Variants in EAF1 observed in about 807,000 individuals in gnomAD.
EAF1 encodes ELL associated factor 1.
A neutral mutation model predicts 26.6 loss-of-function variants in EAF1; 19 were observed. The observed-to-expected ratio is 0.71, with a 90% CI of 0.50 to 1.05. The LOEUF (loss-of-function observed/expected upper bound fraction) is 1.05. Ranked by LOEUF, EAF1 falls within the 50% of genes least tolerant of loss-of-function variation. EAF1 has a pLI of 0.00. For synonymous variants in EAF1, 102 were observed against 120.6 expected (o/e 0.85, Z 1.01); for missense variants, 260 against 335.5 (o/e 0.78, Z 1.76).
intron 5 of EAF1, chr3:15,438,904 T>G: frequency 1.8e-6 from 1 of 546,136 alleles, no homozygotes; most frequent in Non-Finnish European, 3.2e-6. Context: ...TACCCTAATA[T>G]GCAGTATTGT....
At chr3:15,432,978 A>G (rs2061811068) in intron 3 of EAF1, 1 of 151,976 alleles carries the variant, frequency 6.6e-6, no homozygotes, top group Non-Finnish European at 1.5e-5. Flanking sequence ...CATTCCACAG[A>G]AAATAAAAAT....
At chr3:15,428,202 A>G (rs1331591830) in intron 1 of EAF1, among the ~76,000 whole-genome samples, 3 of 91,320 alleles carry the variant, frequency 3.3e-5, no homozygotes, top group Admixed American at 1.3e-4. Context: ...CCCTCCCCCA[A>G]GGCAAACCTC....
chr3:15,435,033 G>A lies in EAF1; in HGVS notation c.526+495G>A, dbSNP rs1296332806. 1.1e-4 allele frequency among the ~76,000 whole-genome samples: 17 copies of A among 152,136 alleles called. 1 individual carries two copies. Among genetic ancestry groups the A allele is most frequent in the Admixed American group, 9.2e-4 (14 of 15,268 alleles). On this transcript the variant is annotated intron_variant, in intron 4 of 5. Transcript: ENST00000396842. ...TTTGAGGCTACAGTGTGCTATGATC[G>A]TGCCTGTTGGTAGCTACTGAACTCC...
At position 15,436,547 on chromosome 3, in the gene EAF1, A is replaced by T. The variant is rs1299515719; in HGVS notation, c.732A>T (p.Gln244His). The change falls in exon 5 of 6, where the codon CAA becomes CAT. Residue 244 changes from glutamine (Q) to histidine (H), a missense_variant. Gln to His is a conservative substitution (Grantham distance 24). Coordinates refer to ENST00000396842, the MANE Select transcript of EAF1 (RefSeq NM_033083.7). ...PAVANGTSRP[Q>H]GSNQLMNTLR... ...TTGCCAATGGAACCAGCCGGCCACA[A>T]GGAAGCAACCAGCTCATGAACACCC... is the stretch of plus-strand genomic sequence containing the variant. 18 of 1,590,958 alleles carry T rather than the reference A, an allele frequency of 1.1e-5. No homozygotes were observed. Among genetic ancestry groups the T allele is most frequent in the Non-Finnish European group, 1.5e-5 (17 of 1,160,668 alleles).
chr3:15,430,895 A>G (rs2061798478), intron 2 of EAF1, among the ~76,000 whole-genome samples: 1 of 152,232 alleles, frequency 6.6e-6, no homozygotes, highest in African/African-American at 2.4e-5. Flanking sequence ...AGCTGGAGAC[A>G]GAATGAAAAG....
rs137973280 is a variant in EAF1 at position 15,432,294 on chromosome 3, G to A, written c.335+71G>A. 47 of 1,565,332 alleles carry A rather than the reference G, an allele frequency of 3.0e-5. No individual in the cohort carries two copies. In the Middle Eastern group the frequency reaches 6.8e-4, roughly 23 times the overall value. Reference sequence around the variant, plus strand: ...CTGTTATCTATTCAGTTTTTATAAGGTTGTGAACATCTGCTTGCTCATAGT... The same window carrying A: ...CTGTTATCTATTCAGTTTTTATAAGATTGTGAACATCTGCTTGCTCATAGT... On this transcript the variant is annotated intron_variant, in intron 3 of 5. Transcript: ENST00000396842.
rs370564102 is a variant in EAF1 at position 15,436,959 on chromosome 3, A to G, written c.760+384A>G. Among the ~76,000 whole-genome samples the G allele has an allele frequency of 2.5e-4, 38 of 151,792 alleles. No homozygotes were observed. In the East Asian group the frequency reaches 3.3e-3, roughly 13 times the overall value. On this transcript the variant is annotated intron_variant, in intron 5 of 5. Coordinates refer to ENST00000396842, the MANE Select transcript of EAF1 (RefSeq NM_033083.7). ...CGCCCAGGCTGGAGTGCAATGGTGC[A>G]ATCTCGGCTTACTGCAACCTCCACC...
At position 15,432,102 on chromosome 3, in the gene EAF1, A is replaced by T; in HGVS notation, c.214A>T (p.Met72Leu). The T allele has an allele frequency of 6.2e-7, 1 of 1,614,140 alleles. No individual in the cohort carries two copies. The highest frequency in any genetic ancestry group is 2.2e-5 in the East Asian group (1 of 44,870). Reference sequence around the variant, plus strand: ...TGGCAAATAGGGATCCACACCACCCATGACTGTGTTCAAGGGGAACAAACG... The same window carrying T: ...TGGCAAATAGGGATCCACACCACCCTTGACTGTGTTCAAGGGGAACAAACG... ...LPHIPGSTPPMTVFKGNKRPY... is the reference protein window; with the variant it reads ...LPHIPGSTPPLTVFKGNKRPY... Residue 72 changes from methionine to leucine, a missense_variant, in exon 3 of 6, where the codon ATG (methionine) becomes TTG (leucine). Coordinates refer to ENST00000396842, the MANE Select transcript of EAF1 (RefSeq NM_033083.7).
rs1178986101 is a variant in EAF1 at position 15,440,284 on chromosome 3, T to G, written c.*1129T>G. 3 of 152,234 alleles carry G rather than the reference T, an allele frequency of 2.0e-5. No homozygotes were observed. The highest frequency in any genetic ancestry group is 4.4e-5 in the Non-Finnish European group (3 of 68,046). 9.4% of individuals were successfully genotyped at this position (152,234 alleles called of 1,614,324 possible). ...ACCTGACTCCCTGACCGATTTGTAT[T>G]TTTTATATACAACTAGAAGGAAGTC... On this transcript the variant is annotated 3_prime_UTR_variant, in exon 6 of 6. Transcript: ENST00000396842.
chr3:15,434,415 C>T lies in EAF1; in HGVS notation c.403C>T (p.Gln135Ter). 1 of 1,614,256 alleles carries T rather than the reference C, an allele frequency of 6.2e-7. No individual in the cohort carries two copies. The highest frequency in any genetic ancestry group is 8.5e-7 in the Non-Finnish European group (1 of 1,180,046). ...GCCCACTCGTCCTCCACAGACGTCA[C>T]AGCCACCACCACCTCCACCACCTAT... The part of the protein sequence containing the change: ...QQPTRPPQTS[Q>*]PPPPPPPMPF... Residue 135 changes from glutamine (Q) to a stop codon, truncating the protein, a stop_gained, in exon 4 of 6, where the codon CAG (glutamine) becomes TAG (stop). Transcript: ENST00000396842. LOFTEE classifies it high-confidence loss of function.
Position 15,439,254 on chromosome 3 carries a change from C to T in EAF1, c.*99C>T. The T allele has an allele frequency of 1.7e-6, 2 of 1,206,168 alleles. No individual in the cohort carries two copies. The highest frequency in any genetic ancestry group is 2.7e-5 in the South Asian group (2 of 74,226). 74.7% of individuals were successfully genotyped at this position (1,206,168 alleles called of 1,614,324 possible). Reference sequence around the variant, plus strand: ...ATTGCAAGAGGAAAATGTTATGGATCAGTGACTGTAGTAGGAGTTTGAGGC... The same window carrying T: ...ATTGCAAGAGGAAAATGTTATGGATTAGTGACTGTAGTAGGAGTTTGAGGC... On this transcript the variant is annotated 3_prime_UTR_variant, in exon 6 of 6. Transcript: ENST00000396842.
In EAF1 at chr3:15,439,930, CA is replaced by C. The variant is rs1433020739; in HGVS notation, c.*779del. 1 of 152,172 alleles carries C rather than the reference CA, an allele frequency of 6.6e-6. No individual in the cohort carries two copies. The highest frequency in any genetic ancestry group is 1.5e-5 in the Non-Finnish European group (1 of 68,042). The allele number at this position is 152,172 out of a possible 1,614,324, so 9.4% of individuals were successfully genotyped here. A position where few individuals can be genotyped will look rare whatever the true frequency, so the allele number is the denominator to read the frequency against. ...GGCACTTGGATTAGATTCCAAAAGA[CA>C]AAAGTGTTGGGTGCTTCTAGCTTGA... On this transcript the variant is annotated 3_prime_UTR_variant, in exon 6 of 6. Coordinates refer to ENST00000396842, the MANE Select transcript of EAF1 (RefSeq NM_033083.7).
chr3:15,430,048 T>C, intron 2 of EAF1, 41 bp downstream of exon 2: 1 of 1,314,222 alleles, frequency 7.6e-7, no homozygotes. Flanking sequence ...AAGATCACAA[T>C]GAATCTTTGT....
In EAF1 at chr3:15,440,506, GTAA is replaced by G. The variant is rs533011355; in HGVS notation, c.*1359_*1361del. The stretch of plus-strand genomic sequence containing the variant: ...CTTTGGTTCAGCGGACATCAAGGTA[GTAA>G]TAATAATTTTTCCTCCACAGGTCCC... On this transcript the variant is annotated 3_prime_UTR_variant, in exon 6 of 6. Coordinates refer to ENST00000396842, the MANE Select transcript of EAF1 (RefSeq NM_033083.7). 78 of 152,300 alleles carry G rather than the reference GTAA, an allele frequency of 5.1e-4. No homozygotes were observed. Among genetic ancestry groups the G allele is most frequent in the African/African-American group, 1.8e-3 (75 of 41,558 alleles). 9.4% of individuals were successfully genotyped at this position (152,300 alleles called of 1,614,324 possible).
Position 15,437,870 on chromosome 3 carries a change from T to G in EAF1, c.761-1239T>G, listed in dbSNP as rs188351609. On this transcript the variant is annotated intron_variant, in intron 5 of 5. Coordinates refer to ENST00000396842, the MANE Select transcript of EAF1 (RefSeq NM_033083.7). ...AAGATAAGTCTTCTTTGTGGGAGGTTGTCCTGCACATTGTAGGATGTTTAA... is the reference window on the plus strand; with the variant it reads ...AAGATAAGTCTTCTTTGTGGGAGGTGGTCCTGCACATTGTAGGATGTTTAA... Among the ~76,000 whole-genome samples the G allele has an allele frequency of 2.3e-3, 351 of 152,244 alleles. 2 individuals carry two copies. The highest frequency in any genetic ancestry group is 7.9e-3 in the African/African-American group (329 of 41,532).
intron 2 of EAF1, among the ~76,000 whole-genome samples, chr3:15,431,778 G>C (rs2061803690): frequency 6.6e-6 from 1 of 152,188 alleles, no homozygotes; most frequent in East Asian, 1.9e-4. Context: ...TATACAGAGT[G>C]ATAACTCTGC....
At position 15,427,740 on chromosome 3, in the gene EAF1, C is replaced by T. The variant is rs1559502804; in HGVS notation, c.-40C>T. The T allele has an allele frequency of 7.1e-6, 11 of 1,540,928 alleles. No individual in the cohort carries two copies. The highest frequency in any genetic ancestry group is 8.8e-7 in the Non-Finnish European group (1 of 1,138,588). On this transcript the variant is annotated 5_prime_UTR_variant, in exon 1 of 6. Transcript: ENST00000396842. Reference sequence around the variant, plus strand: ...CCAGAAGCTCGGATCGCGGCTGCACCGGGAGAGCGCCGATCTGGGTGCGAG... The same window carrying T: ...CCAGAAGCTCGGATCGCGGCTGCACTGGGAGAGCGCCGATCTGGGTGCGAG...
chr3:15,427,718 G>T lies in EAF1; in HGVS notation c.-62G>T, dbSNP rs1257587127. On this transcript the variant is annotated 5_prime_UTR_variant, in exon 1 of 6. Coordinates refer to ENST00000396842, the MANE Select transcript of EAF1 (RefSeq NM_033083.7). ...ACAGTCCTCCCAGACGCCAGCGCCA[G>T]AAGCTCGGATCGCGGCTGCACCGGG... 1 of 1,510,928 alleles carries T rather than the reference G, an allele frequency of 6.6e-7. No individual in the cohort carries two copies. Among genetic ancestry groups the T allele is most frequent in the East Asian group, 2.5e-5 (1 of 40,544 alleles). The allele number at this position is 1,510,928 out of a possible 1,614,324, so 93.6% of individuals were successfully genotyped here. A position where few individuals can be genotyped will look rare whatever the true frequency, so the allele number is the denominator to read the frequency against.
At position 15,429,337 on chromosome 3, in the gene EAF1, TA is replaced by T. The variant is rs942094805; in HGVS notation, c.104-561del. ...CAGCATAGTGAGACCCCATCACTAT[TA>T]AAAAAAAAAAAAAACAAAAAACAGC... is the stretch of plus-strand genomic sequence containing the variant. On this transcript the variant is annotated intron_variant, in intron 1 of 5. Coordinates refer to ENST00000396842, the MANE Select transcript of EAF1 (RefSeq NM_033083.7). 5.3e-4 allele frequency among the ~76,000 whole-genome samples: 78 copies of T among 145,944 alleles called. 1 individual carries two copies. The highest frequency in any genetic ancestry group is 3.6e-3 in the Middle Eastern group (1 of 274).
Sources: allele counts gnomAD v4.1 joint callset (sites outside exome capture counted in the v4.1 genomes callset), GRCh38; gene constraint gnomAD v4.1.1; transcripts MANE v1.5; gene names NCBI Gene and HGNC (gene_info 2026-07-23, HGNC 2026-07-21).